The following EPHB1 variants were observed in gnomAD, a reference collection of about 807,000 sequenced individuals.
EPHB1 encodes the protein EPH receptor B1, also known as ephrin type-B receptor 1.
In EPHB1, 30 loss-of-function variants were observed where a neutral mutation model predicts 94.4. That is an observed-to-expected ratio of 0.32 (90% CI 0.24 to 0.43). EPHB1 has a LOEUF of 0.43. Ranked by LOEUF, EPHB1 falls within the 20% of genes least tolerant of loss-of-function variation. The probability of loss-of-function intolerance (pLI) is 1.00; values close to 1 mark genes in which losing one functional copy is unlikely to be tolerated. For missense variants in EPHB1, 1,055 were observed against 1,308.3 expected (o/e 0.81, Z 2.99); for synonymous variants, 522 against 489.1 (o/e 1.07, Z -0.89).
At chr3:134,814,037 T>C (rs936006089) in intron 1 of EPHB1, among the ~76,000 whole-genome samples, 12 of 151,948 alleles carry the variant, frequency 7.9e-5, no homozygotes, top group African/African-American at 2.9e-4. Context: ...TGGCACAGAG[T>C]AGGCACTTAG....
At chr3:135,018,202 T>C (rs2107752738) in intron 3 of EPHB1, among the ~76,000 whole-genome samples, 1 of 152,284 alleles carries the variant, frequency 6.6e-6, no homozygotes, top group Admixed American at 6.5e-5. Flanking sequence ...GATCATCCCA[T>C]CTTCCCCATG....
At chr3:135,112,089 C>G (rs1008237031) in intron 4 of EPHB1, among the ~76,000 whole-genome samples, 1 of 152,188 alleles carries the variant, frequency 6.6e-6, no homozygotes, top group African/African-American at 2.4e-5. Flanking sequence ...GGAAGCACAA[C>G]GTGGCTGGAG....
At chr3:134,905,808 G>GC (rs1307069156) in intron 1 of EPHB1, among the ~76,000 whole-genome samples, 1 of 152,200 alleles carries the variant, frequency 6.6e-6, no homozygotes, top group African/African-American at 2.4e-5. Flanking sequence ...ACAGAGCCTT[G>GC]CCGTTTCCCC....
At chr3:134,839,033 C>T (rs996390641) in intron 1 of EPHB1, among the ~76,000 whole-genome samples, 2 of 152,208 alleles carry the variant, frequency 1.3e-5, no homozygotes, top group East Asian at 1.9e-4. Context: ...TATTTGTACA[C>T]GACTGCCTAC....
chr3:134,858,688 C>T (rs7645897), intron 1 of EPHB1, among the ~76,000 whole-genome samples: 83,231 of 152,110 alleles, frequency 0.55, 25,613 homozygotes, highest in East Asian at 0.8. Context: ...GAATGATAGA[C>T]CCCTTGGAGC....
At chr3:135,031,256 G>T (rs554125591) in intron 3 of EPHB1, among the ~76,000 whole-genome samples, 2 of 152,094 alleles carry the variant, frequency 1.3e-5, no homozygotes, top group Non-Finnish European at 2.9e-5. Flanking sequence ...CCTCAAGAAG[G>T]TTACAAAGAA....
At chr3:135,203,689 C>A (rs1263813587) in intron 12 of EPHB1, among the ~76,000 whole-genome samples, 1 of 152,202 alleles carries the variant, frequency 6.6e-6, no homozygotes, top group Non-Finnish European at 1.5e-5. Flanking sequence ...CATTAATTTT[C>A]AACAATTAGG....
At chr3:135,163,382 T>G (rs140031999) in intron 7 of EPHB1, among the ~76,000 whole-genome samples, 1 of 152,304 alleles carries the variant, frequency 6.6e-6, no homozygotes, top group Non-Finnish European at 1.5e-5. Context: ...CTGGATACTT[T>G]GATGTGAACC....
intron 1 of EPHB1, among the ~76,000 whole-genome samples, chr3:134,885,071 A>G (rs1249212237): frequency 6.6e-6 from 1 of 152,244 alleles, no homozygotes; most frequent in Admixed American, 6.5e-5. Flanking sequence ...CTGCTTTTCA[A>G]AAAGTTAGAA....
At chr3:135,013,641 G>C (rs1251010551) in intron 3 of EPHB1, among the ~76,000 whole-genome samples, 2 of 152,204 alleles carry the variant, frequency 1.3e-5, no homozygotes, top group Non-Finnish European at 2.9e-5. Context: ...CAACCACCCA[G>C]CCCGCCCAGC....
intron 1 of EPHB1, among the ~76,000 whole-genome samples, chr3:134,797,465 C>A (rs1042449923): frequency 6.6e-6 from 1 of 152,212 alleles, no homozygotes; most frequent in African/African-American, 2.4e-5. Flanking sequence ...CGGTCCGGCC[C>A]GCGGCTCTTT....
intron 3 of EPHB1, among the ~76,000 whole-genome samples, chr3:135,022,331 C>A (rs1936015611): frequency 6.6e-6 from 1 of 152,148 alleles, no homozygotes; most frequent in Non-Finnish European, 1.5e-5. Context: ...ATGTAAATTT[C>A]TCTCTCTTTT....
intron 2 of EPHB1, among the ~76,000 whole-genome samples, chr3:134,941,752 GACACACACACACACACAC>G (rs3067391): frequency 1.7e-4 from 23 of 134,798 alleles, no homozygotes; most frequent in East Asian, 1.6e-3. Flanking sequence ...TATGCACACA[GACACACACACACACACAC>G]ACACACACAC....
chr3:135,041,790 G>A (rs1936853146), intron 3 of EPHB1, among the ~76,000 whole-genome samples: 1 of 152,188 alleles, frequency 6.6e-6, no homozygotes, highest in African/African-American at 2.4e-5. Context: ...AGGCTGGGAA[G>A]TTTAAGATTG....
intron 5 of EPHB1, among the ~76,000 whole-genome samples, chr3:135,153,599 A>G (rs1024785006): frequency 7.9e-5 from 12 of 152,160 alleles, no homozygotes; most frequent in Non-Finnish European, 1.6e-4. Flanking sequence ...TTTTTGAGAG[A>G]TACCTCCTCT....
intron 3 of EPHB1, among the ~76,000 whole-genome samples, chr3:134,978,614 G>A (rs1934283960): frequency 1.3e-5 from 2 of 152,178 alleles, no homozygotes; most frequent in Non-Finnish European, 1.5e-5. Context: ...CTCCAGGTCT[G>A]CTGAAACAGT....
chr3:134,809,831 T>G (rs2036134760), intron 1 of EPHB1, among the ~76,000 whole-genome samples: 1 of 152,220 alleles, frequency 6.6e-6, no homozygotes, highest in South Asian at 2.1e-4. Flanking sequence ...CTCTGATATG[T>G]TTTCAGAAAG....
At chr3:134,852,839 A>G (rs2037021185) in intron 1 of EPHB1, among the ~76,000 whole-genome samples, 1 of 152,202 alleles carries the variant, frequency 6.6e-6, no homozygotes, top group East Asian at 1.9e-4. Flanking sequence ...GCAGCAAAAC[A>G]GTGAGGTATA....
At chr3:135,057,135 A>G (rs1286296562) in intron 3 of EPHB1, among the ~76,000 whole-genome samples, 1 of 152,188 alleles carries the variant, frequency 6.6e-6, no homozygotes, top group African/African-American at 2.4e-5. Context: ...GGGCTGGGGA[A>G]GGAGCCTGGG....
Sources: allele counts gnomAD v4.1 joint callset (sites outside exome capture counted in the v4.1 genomes callset), GRCh38; gene constraint gnomAD v4.1.1; transcripts MANE v1.5; gene names NCBI Gene and HGNC (gene_info 2026-07-23, HGNC 2026-07-21).